RBFOX1: variants seen among roughly 807,000 people sequenced by gnomAD.
RBFOX1 encodes RNA binding protein fox-1 homolog 1.
In RBFOX1, 8 loss-of-function variants were observed where a neutral mutation model predicts 57.7. The observed-to-expected ratio is 0.14, with a 90% CI of 0.08 to 0.25. The LOEUF (loss-of-function observed/expected upper bound fraction) is 0.25. Ranked by LOEUF, RBFOX1 falls within the 10% of genes least tolerant of loss-of-function variation. The pLI, the probability that RBFOX1 is intolerant of heterozygous loss-of-function variation, is 1.00. For missense variants in RBFOX1, 611 were observed against 548.5 expected, an observed-to-expected ratio of 1.11 and a Z score of -1.14; for synonymous variants, 326 against 222.4, an observed-to-expected ratio of 1.47 and a Z score of -4.15.
At chr16:6,280,764 C>T (rs1252615049) in intron 1 of RBFOX1, among the ~76,000 whole-genome samples, 2 of 152,066 alleles carry the variant, frequency 1.3e-5, no homozygotes, top group African/African-American at 4.8e-5. Flanking sequence ...AAACCAGTCA[C>T]ATCTGAAGGG....
intron 3 of RBFOX1, among the ~76,000 whole-genome samples, chr16:5,623,606 C>G (rs1034830334): frequency 1.3e-5 from 2 of 150,386 alleles, no homozygotes; most frequent in South Asian, 2.1e-4. Context: ...AAATTCTCAC[C>G]GGTGCCTTCT....
At chr16:7,500,405 G>A (rs1247243879) in intron 4 of RBFOX1, among the ~76,000 whole-genome samples, 2 of 152,156 alleles carry the variant, frequency 1.3e-5, no homozygotes, top group African/African-American at 2.4e-5. Context: ...TTGTTCTGAT[G>A]AGAGGTCTAG....
At chr16:6,326,915 G>C (rs777648808) in intron 2 of RBFOX1, among the ~76,000 whole-genome samples, 1 of 152,296 alleles carries the variant, frequency 6.6e-6, no homozygotes, top group Non-Finnish European at 1.5e-5. Flanking sequence ...TGCATGCAAA[G>C]CTGGGCTCTC....
At chr16:5,633,121 T>C (rs2048571279) in intron 3 of RBFOX1, among the ~76,000 whole-genome samples, 1 of 152,000 alleles carries the variant, frequency 6.6e-6, no homozygotes, top group South Asian at 2.1e-4. Flanking sequence ...GTATTTTTAA[T>C]AGAGACGGAA....
chr16:7,455,871 G>A (rs1322129085), intron 4 of RBFOX1, among the ~76,000 whole-genome samples: 4 of 150,958 alleles, frequency 2.6e-5, no homozygotes, highest in Non-Finnish European at 5.9e-5. Flanking sequence ...AACTTACTAT[G>A]AGCCACTGTG....
intron 3 of RBFOX1, among the ~76,000 whole-genome samples, chr16:6,760,533 TA>T (rs1433380151): frequency 6.6e-6 from 1 of 152,198 alleles, no homozygotes; most frequent in East Asian, 1.9e-4. Flanking sequence ...AGATAAACAG[TA>T]AATGCTTTTG....
intron 3 of RBFOX1, among the ~76,000 whole-genome samples, chr16:6,815,464 G>A (rs1460392828): frequency 6.6e-6 from 1 of 152,130 alleles, no homozygotes; most frequent in East Asian, 1.9e-4. Context: ...GACATTCGCA[G>A]TGGAATCCAT....
chr16:6,739,685 T>G (rs948279726), intron 3 of RBFOX1, among the ~76,000 whole-genome samples: 1 of 152,112 alleles, frequency 6.6e-6, no homozygotes, highest in African/African-American at 2.4e-5. Flanking sequence ...GAGACCAGCT[T>G]GGCCAACATG....
intron 1 of RBFOX1, among the ~76,000 whole-genome samples, chr16:6,242,079 C>G (rs758786374): frequency 5.3e-5 from 8 of 152,148 alleles, no homozygotes; most frequent in Non-Finnish European, 1.2e-4. Flanking sequence ...GCTAATGCAC[C>G]TCCCAAAGGT....
intron 3 of RBFOX1, among the ~76,000 whole-genome samples, chr16:7,042,267 G>A (rs1240671749): frequency 6.6e-6 from 1 of 152,228 alleles, no homozygotes; most frequent in Admixed American, 6.5e-5. Context: ...AAGGACAAGT[G>A]AGGCGCAGAT....
chr16:5,836,956 C>G (rs907236822), intron 3 of RBFOX1, among the ~76,000 whole-genome samples: 1 of 152,204 alleles, frequency 6.6e-6, no homozygotes, highest in South Asian at 2.1e-4. Flanking sequence ...CACACTGAAG[C>G]TGGAGACATG....
chr16:6,957,256 C>T (rs1057353450), intron 3 of RBFOX1, among the ~76,000 whole-genome samples: 5 of 151,720 alleles, frequency 3.3e-5, no homozygotes, highest in South Asian at 2.1e-4. Context: ...CTCAGCCTCC[C>T]GAGTAGCTGG....
rs1313369191 is a variant in RBFOX1, at chr16:7,332,960, G to T, written c.28-185187G>T. 4 of 1,612,476 alleles carry T rather than the reference G, an allele frequency of 2.5e-6. No individual in the cohort carries two copies. The African/African-American group carries it at 5.3e-5, about 22-fold the overall frequency. ...ATAGATTTCCCCCTAACTCTCCATT[G>T]ATGTGTTGAGCTTCAGAGGGAATAA... On this transcript the variant is annotated intron_variant, in intron 4 of 15. Coordinates refer to ENST00000550418, the MANE Select transcript of RBFOX1 (RefSeq NM_018723.4).
chr16:7,019,205 A>G lies in RBFOX1; in HGVS notation c.-15-32852A>G, dbSNP rs953038565. On this transcript the variant is annotated intron_variant, in intron 3 of 15. Transcript: ENST00000550418. ...ACACTAAATTATTTTATATAAAATT[A>G]TATAATATTAGGTGGTTTGGTGTGT... is the stretch of plus-strand genomic sequence containing the variant. Among the ~76,000 whole-genome samples, 5 of 152,110 alleles carry G rather than the reference A, an allele frequency of 3.3e-5. No individual in the cohort carries two copies. In the South Asian group the frequency reaches 8.3e-4, roughly 25 times the overall value.
intron 4 of RBFOX1, among the ~76,000 whole-genome samples, chr16:5,885,167 C>G (rs1363145209): frequency 6.6e-6 from 1 of 152,008 alleles, no homozygotes; most frequent in African/African-American, 2.4e-5. Flanking sequence ...TATGGTTTAC[C>G]ACGCTGTTGC....
At chr16:6,534,882 T>C (rs2153822727) in intron 2 of RBFOX1, among the ~76,000 whole-genome samples, 1 of 152,268 alleles carries the variant, frequency 6.6e-6, no homozygotes, top group African/African-American at 2.4e-5. Flanking sequence ...CCATGAAAAG[T>C]CCAATGAGGC....
intron 1 of RBFOX1, among the ~76,000 whole-genome samples, chr16:6,276,304 G>A (rs1019134909): frequency 6.6e-6 from 1 of 152,118 alleles, no homozygotes; most frequent in Non-Finnish European, 1.5e-5. Flanking sequence ...CCAGCTTGGG[G>A]CACATGCTCA....
intron 3 of RBFOX1, among the ~76,000 whole-genome samples, chr16:6,920,374 C>G (rs1040286397): frequency 2.0e-5 from 3 of 152,132 alleles, no homozygotes; most frequent in Non-Finnish European, 4.4e-5. Flanking sequence ...TCTCTCTCTT[C>G]TGCATGAAAC....
At chr16:6,813,338 C>A (rs1163850997) in intron 3 of RBFOX1, among the ~76,000 whole-genome samples, 1 of 152,186 alleles carries the variant, frequency 6.6e-6, no homozygotes, top group Admixed American at 6.5e-5. Flanking sequence ...TGACCACATT[C>A]ATGTAACTGC....
Sources: gnomAD v4.1 joint callset for allele counts (sites outside exome capture counted in the v4.1 genomes callset) on GRCh38, gnomAD v4.1.1 for gene constraint, MANE v1.5 for transcripts, NCBI Gene and HGNC (gene_info 2026-07-23, HGNC 2026-07-21) for gene names.